The following ODF2L variants were observed in gnomAD, a reference collection of about 807,000 sequenced individuals.
The protein encoded by ODF2L is outer dense fiber of sperm tails 2 like, also known as protein BCAP.
In ODF2L, 76 loss-of-function variants were observed where a neutral mutation model predicts 86.3. The ratio of observed to expected loss-of-function variants is 0.88; its 90% CI spans 0.73 to 1.07. The LOEUF (loss-of-function observed/expected upper bound fraction) is 1.07. ODF2L is among the 50% of genes least tolerant of loss of function. ODF2L has a pLI of 0.00. For missense variants in ODF2L, 748 were observed against 717.4 expected, an observed-to-expected ratio of 1.04 and a Z score of -0.49; for synonymous variants, 241 against 231.3, an observed-to-expected ratio of 1.04 and a Z score of -0.38.
intron 7 of ODF2L, among the ~76,000 whole-genome samples, chr1:86,380,674 C>T (rs530824229): frequency 7.9e-5 from 12 of 152,168 alleles, no homozygotes; most frequent in Middle Eastern, 3.4e-3. Context: ...TGAATGAACA[C>T]ATAAAGCTGA....
chr1:86,378,263 T>C (rs1660313125), intron 7 of ODF2L, among the ~76,000 whole-genome samples: 2 of 152,272 alleles, frequency 1.3e-5, no homozygotes, highest in South Asian at 4.1e-4. Context: ...TCCTCATCTC[T>C]ATCTGAGACC....
intron 11 of ODF2L, among the ~76,000 whole-genome samples, chr1:86,361,572 T>C (rs1332267882): frequency 6.6e-6 from 1 of 152,202 alleles, no homozygotes; most frequent in Non-Finnish European, 1.5e-5. Flanking sequence ...TGTATCTCTC[T>C]CCAAAATTTC....
At chr1:86,378,046 T>C (rs950700115) in intron 7 of ODF2L, among the ~76,000 whole-genome samples, 26 of 152,202 alleles carry the variant, frequency 1.7e-4, no homozygotes, top group African/African-American at 6.0e-4. Flanking sequence ...TCAAACCTTC[T>C]CTCTGTGAAT....
chr1:86,382,759 A>G (rs879565138), intron 6 of ODF2L, among the ~76,000 whole-genome samples, 172 bp downstream of exon 6: 1 of 151,946 alleles, frequency 6.6e-6, no homozygotes, highest in Non-Finnish European at 1.5e-5. Context: ...AAAAAACTTA[A>G]TAAAATTAAG....
At chr1:86,359,907 TC>T (rs1658910369) in intron 12 of ODF2L, among the ~76,000 whole-genome samples, 1 of 152,206 alleles carries the variant, frequency 6.6e-6, no homozygotes, top group South Asian at 2.1e-4. Context: ...TGAAGTTTTT[TC>T]TTGAATACTA....
At chr1:86,371,364 C>A in intron 9 of ODF2L, among the ~76,000 whole-genome samples, 1 of 152,016 alleles carries the variant, frequency 6.6e-6, no homozygotes, top group Non-Finnish European at 1.5e-5. Context: ...AAACAATTGC[C>A]CACTGATGAT....
intron 3 of ODF2L, 69 bp downstream of exon 3, chr1:86,385,389 G>A (rs1660873553): frequency 1.1e-6 from 1 of 916,970 alleles, no homozygotes; most frequent in Admixed American, 2.5e-5. Context: ...TAAGATATGA[G>A]ACCTCAGTTA....
chr1:86,377,116 A>G lies in ODF2L; in HGVS notation c.625-698T>C, dbSNP rs921525476. 9.2e-5 allele frequency among the ~76,000 whole-genome samples: 14 copies of G among 152,202 alleles called. No homozygotes were observed. In the South Asian group the frequency reaches 2.3e-3, roughly 25 times the overall value. ...GCACAGGTATTAGGTAAATGTTCCCATTCCAAATGAAATAAATTGGCCAAA... is the reference window on the plus strand; with the variant it reads ...GCACAGGTATTAGGTAAATGTTCCCGTTCCAAATGAAATAAATTGGCCAAA... On this transcript the variant is annotated intron_variant, in intron 7 of 17. Coordinates refer to ENST00000317336, the Ensembl canonical transcript of ODF2L.
intron 10 of ODF2L, among the ~76,000 whole-genome samples, chr1:86,370,242 T>A (rs1397043935): frequency 2.0e-5 from 3 of 152,104 alleles, no homozygotes; most frequent in Non-Finnish European, 4.4e-5. Flanking sequence ...CTTAAGGACA[T>A]CTTAATACAT....
downstream of ODF2L, chr1:86,349,042 AAATT>A (rs1356825502): frequency 5.2e-6 from 3 of 573,386 alleles, no homozygotes; most frequent in Non-Finnish European, 7.6e-6. Flanking sequence ...TCACTCTTTA[AAATT>A]AATAATTAAA....
Position 86,385,609 on chromosome 1 carries a change from AC to A in ODF2L, c.114-20del. Reference sequence around the variant, plus strand: ...CTTCAGGCTAATTACAAATGCACATACAAAATTTAAGTTAAATCCATTTCAT... The same window carrying A: ...CTTCAGGCTAATTACAAATGCACATAAAAATTTAAGTTAAATCCATTTCAT... On this transcript the variant is annotated intron_variant, in intron 2 of 17. Transcript: ENST00000317336. The A allele has an allele frequency of 6.2e-7, 1 of 1,602,002 alleles. No homozygotes were observed. The highest frequency in any genetic ancestry group is 1.1e-5 in the South Asian group (1 of 90,688).
intron 1 of ODF2L, among the ~76,000 whole-genome samples, chr1:86,391,282 C>T (rs569112368): frequency 6.6e-6 from 1 of 152,220 alleles, no homozygotes; most frequent in East Asian, 1.9e-4. Context: ...TCTACAATTT[C>T]AATGCAATTC....
chr1:86,356,192 A>G (rs1349587377), intron 14 of ODF2L, among the ~76,000 whole-genome samples: 1 of 151,102 alleles, frequency 6.6e-6, no homozygotes, highest in Non-Finnish European at 1.5e-5. Context: ...TTCTATTACC[A>G]TGTCTTCAAA....
chr1:86,372,381 A>T, intron 9 of ODF2L, 50 bp downstream of exon 9: 1 of 904,428 alleles, frequency 1.1e-6, no homozygotes, highest in East Asian at 3.1e-5. Context: ...GAATTTTTTA[A>T]AAAGTGAAAA....
At position 86,373,005 on chromosome 1, in the gene ODF2L, T is replaced by C. The variant is rs149073901; in HGVS notation, c.811-465A>G. ...GAGGTGAGGGGTAAAAGACTACACA[T>C]TGGCTACAGTGTACAGTGCTCGGGT... On this transcript the variant is annotated intron_variant, in intron 8 of 17. Coordinates refer to ENST00000317336, the Ensembl canonical transcript of ODF2L. Among the ~76,000 whole-genome samples the C allele has an allele frequency of 2.4e-3, 370 of 152,122 alleles. 1 individual carries two copies. The highest frequency in any genetic ancestry group is 8.5e-3 in the African/African-American group (353 of 41,514).
chr1:86,391,526 C>G (rs749960277), intron 1 of ODF2L, among the ~76,000 whole-genome samples: 5 of 152,120 alleles, frequency 3.3e-5, no homozygotes, highest in Non-Finnish European at 5.9e-5. Flanking sequence ...AACCCAAATA[C>G]TTACAGCTAA....
At chr1:86,351,234 C>T (rs888930939) in exon 18 of ODF2L, 3 of 151,998 alleles carry the variant, frequency 2.0e-5, no homozygotes, top group Non-Finnish European at 4.4e-5. Flanking sequence ...AGGTCTTACA[C>T]TTAAGTCTTT....
intron 13 of ODF2L, 89 bp from the exon 13 acceptor site, chr1:86,356,691 G>C (rs1040566822): frequency 1.8e-6 from 2 of 1,108,404 alleles, no homozygotes; most frequent in South Asian, 4.2e-5. Flanking sequence ...TGCTTATAAC[G>C]TAAGTATTTT....
downstream of ODF2L, chr1:86,347,469 G>A (rs948571312): frequency 3.3e-5 from 5 of 152,082 alleles, no homozygotes; most frequent in African/African-American, 1.2e-4. Flanking sequence ...TTTTTAAAAT[G>A]ACACTAATCT....
Sources: gnomAD v4.1 joint callset for allele counts (sites outside exome capture counted in the v4.1 genomes callset) on GRCh38, gnomAD v4.1.1 for gene constraint, MANE v1.5 for transcripts, NCBI Gene and HGNC (gene_info 2026-07-23, HGNC 2026-07-21) for gene names.